The following YAE1 variants were observed in gnomAD, a reference collection of about 807,000 sequenced individuals.
The protein encoded by YAE1 is YAE1 maturation factor of ABCE1, also known as protein YAE1 homolog.
Under a neutral mutation model 23.0 loss-of-function variants are expected in YAE1, and 22 were observed. The observed-to-expected ratio is 0.96, with a 90% CI of 0.68 to 1.37. The LOEUF (loss-of-function observed/expected upper bound fraction) is 1.37, where lower values mean the gene tolerates loss of function less well. Among genes scored for constraint, YAE1 ranks in the 40% most tolerant of loss-of-function variants. YAE1 has a pLI of 0.00. For missense variants in YAE1, 260 were observed against 262.1 expected (o/e 0.99, Z 0.06); for synonymous variants, 101 against 97.0 (o/e 1.04, Z -0.24).
At chr7:39,593,993 T>C (rs1241495414) in intron 2 of YAE1, among the ~76,000 whole-genome samples, 1 of 152,238 alleles carries the variant, frequency 6.6e-6, no homozygotes. Context: ...GGTTGTATCC[T>C]GGACATGGTC....
chr7:39,580,986 T>A (rs780361466), intron 2 of YAE1, among the ~76,000 whole-genome samples: 4 of 152,054 alleles, frequency 2.6e-5, no homozygotes, highest in Non-Finnish European at 5.9e-5. Context: ...GCAGGAAGCA[T>A]CTCTACTTGC....
intron 2 of YAE1, among the ~76,000 whole-genome samples, chr7:39,590,628 G>A (rs553949461): frequency 6.6e-6 from 1 of 152,128 alleles, no homozygotes; most frequent in African/African-American, 2.4e-5. Context: ...TGTTTCATAT[G>A]TGCCTTATAC....
downstream of YAE1, among the ~76,000 whole-genome samples, chr7:39,573,652 C>G (rs2115780239): frequency 6.6e-6 from 1 of 152,206 alleles, no homozygotes; most frequent in African/African-American, 2.4e-5. Flanking sequence ...CTCTTTCACC[C>G]CTATTTATAC....
chr7:39,605,410 T>C (rs1161824752), intron 2 of YAE1, among the ~76,000 whole-genome samples: 2 of 152,228 alleles, frequency 1.3e-5, no homozygotes, highest in East Asian at 3.8e-4. Flanking sequence ...CTATCTACTA[T>C]GGGTAGCCCT....
chr7:39,574,447 A>T (rs192755616), downstream of YAE1, among the ~76,000 whole-genome samples: 282 of 152,180 alleles, frequency 1.9e-3, no homozygotes, highest in African/African-American at 6.4e-3. Context: ...AAATGAAAAA[A>T]ATCCGCTGGG....
At chr7:39,566,776 C>T (rs1296712018) in intron 1 of YAE1, 1 of 480,308 alleles carries the variant, frequency 2.1e-6, no homozygotes. Context: ...AACTGAGGAC[C>T]GACCAAAATT....
intron 2 of YAE1, among the ~76,000 whole-genome samples, chr7:39,571,653 T>A (rs1034525467): frequency 6.6e-6 from 1 of 152,240 alleles, no homozygotes; most frequent in Non-Finnish European, 1.5e-5. Flanking sequence ...ATTCTATTTT[T>A]AAATACTTTT....
chr7:39,579,235 A>C (rs1488196154), intron 2 of YAE1, among the ~76,000 whole-genome samples: 2 of 152,198 alleles, frequency 1.3e-5, no homozygotes, highest in Non-Finnish European at 2.9e-5. Context: ...CGAGGCACCA[A>C]GAAGGCTAAG....
chr7:39,603,029 G>A (rs1379078910), intron 2 of YAE1, among the ~76,000 whole-genome samples: 2 of 152,242 alleles, frequency 1.3e-5, no homozygotes, highest in Admixed American at 6.5e-5. Flanking sequence ...GATTACAGGC[G>A]TTAGCCACTG....
chr7:39,575,537 GGAGAGAGAGA>G (rs56954676), downstream of YAE1, among the ~76,000 whole-genome samples: 4,106 of 131,260 alleles, frequency 0.031, 86 homozygotes, highest in Admixed American at 0.075. Flanking sequence ...CTAAGATACA[GGAGAGAGAGA>G]GAGAGAGAGA....
intron 2 of YAE1, among the ~76,000 whole-genome samples, chr7:39,591,194 C>G (rs1790896235): frequency 6.6e-6 from 1 of 152,182 alleles, no homozygotes. Flanking sequence ...AAGGCCCACC[C>G]TAAGGACCTC....
exon 3 of YAE1, chr7:39,610,224 A>G (rs1379874096): frequency 5.1e-6 from 3 of 587,440 alleles, no homozygotes; most frequent in Non-Finnish European, 9.1e-6. Flanking sequence ...TGTGAAATTC[A>G]CACATGAGCA....
At chr7:39,604,510 C>G (rs1188392306) in intron 2 of YAE1, among the ~76,000 whole-genome samples, 1 of 152,090 alleles carries the variant, frequency 6.6e-6, no homozygotes, top group Non-Finnish European at 1.5e-5. Context: ...TCAAGGAAAA[C>G]AATACATTGC....
intron 2 of YAE1, among the ~76,000 whole-genome samples, chr7:39,584,555 G>A (rs78457837): frequency 1.4e-4 from 21 of 152,094 alleles, no homozygotes; most frequent in Non-Finnish European, 3.1e-4. Context: ...AAAACAATTA[G>A]GGCCTATTGT....
downstream of YAE1, among the ~76,000 whole-genome samples, chr7:39,611,014 G>A (rs1791206571): frequency 6.6e-6 from 1 of 152,092 alleles, no homozygotes; most frequent in African/African-American, 2.4e-5. Context: ...TGGACATGGT[G>A]GCGAGCACCT....
chr7:39,573,926 A>C (rs559041595), downstream of YAE1, among the ~76,000 whole-genome samples: 4 of 152,348 alleles, frequency 2.6e-5, no homozygotes, highest in African/African-American at 9.6e-5. Context: ...ACTGTTTTTC[A>C]GAGATTTACT....
Position 39,609,840 on chromosome 7 carries a change from AC to A in YAE1, c.476del (p.Thr159SerfsTer53). The A allele has an allele frequency of 6.5e-7, 1 of 1,533,038 alleles. No individual in the cohort carries two copies. The highest frequency in any genetic ancestry group is 1.2e-5 in the South Asian group (1 of 83,852). The allele number at this position is 1,533,038 out of a possible 1,614,324, so 95.0% of individuals were successfully genotyped here. ...CCGGCTCCGGGCCCCAGGCCCTGGG[AC>A]GCCGAGCCACCGCCGGCGTTTCAGA... On this transcript the variant is annotated frameshift_variant, in exon 3 of 3. Transcript: ENST00000432096. LOFTEE classifies it low-confidence loss of function (END_TRUNC).
intron 2 of YAE1, among the ~76,000 whole-genome samples, chr7:39,600,894 C>T (rs1243194345): frequency 1.3e-5 from 2 of 152,180 alleles, no homozygotes; most frequent in Admixed American, 1.3e-4. Flanking sequence ...CCTGTCAATA[C>T]CTTGATCTTG....
intron 2 of YAE1, chr7:39,609,534 A>G: frequency 6.8e-7 from 1 of 1,471,362 alleles, no homozygotes; most frequent in South Asian, 1.3e-5. Context: ...TGATGATGTT[A>G]TCGAATTGGG....
Sources: gnomAD v4.1 joint callset for allele counts (sites outside exome capture counted in the v4.1 genomes callset) on GRCh38, gnomAD v4.1.1 for gene constraint, MANE v1.5 for transcripts, NCBI Gene and HGNC (gene_info 2026-07-23, HGNC 2026-07-21) for gene names.